The following GSK3B variants were observed in gnomAD, a reference collection of about 807,000 sequenced individuals.
GSK3B encodes the protein glycogen synthase kinase-3 beta.
A neutral mutation model predicts 56.4 loss-of-function variants in GSK3B; 15 were observed. The ratio of observed to expected loss-of-function variants is 0.27; its 90% CI spans 0.18 to 0.41. The LOEUF is 0.41. Ranked by LOEUF, GSK3B falls within the 10% of genes least tolerant of loss-of-function variation. The pLI, the probability that GSK3B is intolerant of heterozygous loss-of-function variation, is 1.00. For missense variants in GSK3B, 300 were observed against 513.4 expected, an observed-to-expected ratio of 0.58 and a Z score of 4.02; for synonymous variants, 181 against 188.9, an observed-to-expected ratio of 0.96 and a Z score of 0.34.
intron 1 of GSK3B, among the ~76,000 whole-genome samples, chr3:120,065,711 T>C (rs936539722): frequency 6.6e-6 from 1 of 152,096 alleles, no homozygotes; most frequent in African/African-American, 2.4e-5. Context: ...AAAATGAAAA[T>C]GTCCATCAAC....
intron 2 of GSK3B, among the ~76,000 whole-genome samples, chr3:119,952,519 A>G (rs140715407): frequency 0.015 from 2,307 of 150,740 alleles, 58 homozygotes; most frequent in African/African-American, 0.053. Context: ...GAAAGAAAAG[A>G]AAAAAAAATT....
At chr3:119,915,186 A>G (rs1307600542) in intron 5 of GSK3B, among the ~76,000 whole-genome samples, 1 of 152,148 alleles carries the variant, frequency 6.6e-6, no homozygotes, top group East Asian at 1.9e-4. Flanking sequence ...GAGCTTTTAA[A>G]AGCAGAAAGT....
intron 8 of GSK3B, among the ~76,000 whole-genome samples, chr3:119,864,767 T>C (rs1274125016): frequency 1.3e-5 from 2 of 152,222 alleles, no homozygotes; most frequent in South Asian, 2.1e-4. Flanking sequence ...CATTAGACTT[T>C]CCAGAGATTA....
chr3:119,943,897 G>A lies in GSK3B; in HGVS notation c.366+3371C>T, dbSNP rs568364420. Among the ~76,000 whole-genome samples the A allele has an allele frequency of 3.3e-5, 5 of 152,058 alleles. No individual in the cohort carries two copies. In the East Asian group the frequency reaches 9.7e-4, roughly 29 times the overall value. ...ACAGACCAAGAGAGGGGGGACAAAAGCCCAGAGACAGAAAGATAGAGACTT... is the reference window on the plus strand; with the variant it reads ...ACAGACCAAGAGAGGGGGGACAAAAACCCAGAGACAGAAAGATAGAGACTT... On this transcript the variant is annotated intron_variant, in intron 3 of 10. Coordinates refer to ENST00000264235, the MANE Select transcript of GSK3B (RefSeq NM_001146156.2).
chr3:120,042,378 T>A (rs542690588), intron 1 of GSK3B, among the ~76,000 whole-genome samples: 1 of 152,332 alleles, frequency 6.6e-6, no homozygotes, highest in Non-Finnish European at 1.5e-5. Context: ...CCAGGCCATG[T>A]GTGATGCAGT....
At chr3:119,935,657 A>C (rs2107479223) in intron 3 of GSK3B, among the ~76,000 whole-genome samples, 1 of 152,274 alleles carries the variant, frequency 6.6e-6, no homozygotes, top group Admixed American at 6.5e-5. Flanking sequence ...TGTTTATCTA[A>C]ATAGTTCCTA....
intron 3 of GSK3B, among the ~76,000 whole-genome samples, chr3:119,941,156 C>T (rs1308439628): frequency 6.6e-6 from 1 of 151,908 alleles, no homozygotes; most frequent in East Asian, 1.9e-4. Flanking sequence ...GCTGGGATTA[C>T]AGGCACTTGC....
chr3:120,055,096 C>A (rs975861831), intron 1 of GSK3B, among the ~76,000 whole-genome samples: 2 of 152,076 alleles, frequency 1.3e-5, no homozygotes, highest in African/African-American at 2.4e-5. Context: ...TGCCTAGGCC[C>A]TCCCATAATA....
intron 3 of GSK3B, among the ~76,000 whole-genome samples, chr3:119,940,920 A>C (rs2057042606): frequency 6.6e-6 from 1 of 152,158 alleles, no homozygotes; most frequent in Non-Finnish European, 1.5e-5. Flanking sequence ...AATATAAGTA[A>C]TGTGTTTAGA....
intron 1 of GSK3B, among the ~76,000 whole-genome samples, chr3:120,013,636 C>T (rs1347896873): frequency 6.6e-6 from 1 of 152,128 alleles, no homozygotes; most frequent in Non-Finnish European, 1.5e-5. Flanking sequence ...CCCATGAATA[C>T]ACAGAAGATA....
intron 2 of GSK3B, among the ~76,000 whole-genome samples, chr3:119,994,556 C>T (rs2057597016): frequency 6.6e-6 from 1 of 151,964 alleles, no homozygotes; most frequent in Non-Finnish European, 1.5e-5. Flanking sequence ...CAAACACTAC[C>T]CTAAGTGATA....
intron 1 of GSK3B, among the ~76,000 whole-genome samples, chr3:120,010,756 C>CTAAATAAATAAATAAA (rs575769812): frequency 5.3e-5 from 8 of 151,610 alleles, no homozygotes; most frequent in African/African-American, 1.9e-4. Context: ...GACCCTGTCT[C>CTAAATAAATAAATAAA]TAAATAAATA....
chr3:119,903,916 C>T (rs2056652837), intron 7 of GSK3B, among the ~76,000 whole-genome samples: 1 of 151,964 alleles, frequency 6.6e-6, no homozygotes, highest in African/African-American at 2.4e-5. Flanking sequence ...AGAGCAGAGA[C>T]CAGGAAACTA....
chr3:120,060,086 C>A (rs561937956), intron 1 of GSK3B, among the ~76,000 whole-genome samples: 2 of 152,234 alleles, frequency 1.3e-5, no homozygotes, highest in Admixed American at 1.3e-4. Context: ...CACAATGAAC[C>A]ACACAAAAAC....
intron 2 of GSK3B, among the ~76,000 whole-genome samples, chr3:119,975,650 G>C (rs1195622966): frequency 2.0e-5 from 3 of 152,192 alleles, no homozygotes; most frequent in Non-Finnish European, 4.4e-5. Flanking sequence ...GAAATTTTTA[G>C]TGCAGTATTT....
At chr3:119,938,077 C>G (rs555497679) in intron 3 of GSK3B, among the ~76,000 whole-genome samples, 1 of 152,068 alleles carries the variant, frequency 6.6e-6, no homozygotes, top group East Asian at 1.9e-4. Flanking sequence ...CAAAATGAAA[C>G]AGACGATCTT....
chr3:120,001,598 T>C lies in GSK3B; in HGVS notation c.282+448A>G, dbSNP rs202174074. Among the ~76,000 whole-genome samples the C allele has an allele frequency of 5.3e-5, 8 of 152,300 alleles. No homozygotes were observed. The East Asian group carries it at 1.5e-3, about 29-fold the overall frequency. On this transcript the variant is annotated intron_variant, in intron 2 of 10. Transcript: ENST00000264235. ...TTTATAAATTACTCAATATCAGGTA[T>C]TCCTTTATAGAGATGCAAAAACAGA... is the stretch of plus-strand genomic sequence containing the variant.
At chr3:120,020,336 C>A (rs927731439) in intron 1 of GSK3B, among the ~76,000 whole-genome samples, 9 of 152,094 alleles carry the variant, frequency 5.9e-5, no homozygotes, top group African/African-American at 2.2e-4. Context: ...TATAGGCATA[C>A]CTCATTTTAT....
chr3:120,016,921 C>T (rs1367658243), intron 1 of GSK3B, among the ~76,000 whole-genome samples: 1 of 152,164 alleles, frequency 6.6e-6, no homozygotes, highest in Non-Finnish European at 1.5e-5. Flanking sequence ...TTCACTTGGT[C>T]TTAACTCCTC....
Sources: allele counts gnomAD v4.1 joint callset (sites outside exome capture counted in the v4.1 genomes callset), GRCh38; gene constraint gnomAD v4.1.1; transcripts MANE v1.5; gene names NCBI Gene and HGNC (gene_info 2026-07-23, HGNC 2026-07-21).